Variants in PTPRM observed in about 807,000 individuals in gnomAD.
The protein encoded by PTPRM is receptor-type tyrosine-protein phosphatase mu.
PTPRM carries 47 observed loss-of-function variants against 186.7 expected under a neutral mutation model. That is an observed-to-expected ratio of 0.25 (90% CI 0.20 to 0.32). The LOEUF (loss-of-function observed/expected upper bound fraction) is 0.32. Ranked by LOEUF, PTPRM falls within the 10% of genes least tolerant of loss-of-function variation. The pLI is 1.00. For synonymous variants in PTPRM, 668 were observed against 674.9 expected, an observed-to-expected ratio of 0.99 and a Z score of 0.16; for missense variants, 1,494 against 1,865.0, an observed-to-expected ratio of 0.80 and a Z score of 3.66.
intron 2 of PTPRM, among the ~76,000 whole-genome samples, chr18:7,882,376 G>A (rs965403738): frequency 1.3e-5 from 2 of 152,006 alleles, no homozygotes; most frequent in Non-Finnish European, 2.9e-5. Flanking sequence ...TGCTGCTCTA[G>A]TGAACTGAAT....
chr18:7,567,945 C>T lies in PTPRM; in HGVS notation c.73+54C>T. On this transcript the variant is annotated intron_variant, in intron 1 of 32. Coordinates refer to ENST00000580170, the MANE Select transcript of PTPRM (RefSeq NM_001105244.2). The surrounding 1 kb of genome is among the most constrained non-coding windows in gnomAD (Gnocchi z 4.3). ...AGGCGCGCGGGCCGGCGCGGGACGC[C>T]CGGGACGCCGACAGCTCCCTGGTGG... The T allele has an allele frequency of 1.3e-6, 2 of 1,496,370 alleles. No homozygotes were observed. Among genetic ancestry groups the T allele is most frequent in the South Asian group, 1.2e-5 (1 of 80,350 alleles). 92.7% of individuals were successfully genotyped at this position (1,496,370 alleles called of 1,614,324 possible).
At chr18:8,058,935 C>T (rs1386249910) in intron 7 of PTPRM, among the ~76,000 whole-genome samples, 2 of 79,554 alleles carry the variant, frequency 2.5e-5, no homozygotes, top group Non-Finnish European at 5.4e-5. Flanking sequence ...CTTGGCGATG[C>T]GGGCTCTTTT....
chr18:8,358,249 GCA>G (rs144869213), intron 23 of PTPRM, among the ~76,000 whole-genome samples: 2,678 of 147,560 alleles, frequency 0.018, 45 homozygotes, highest in African/African-American at 0.048. Context: ...CACATGACAC[GCA>G]CACACACACA....
intron 1 of PTPRM, among the ~76,000 whole-genome samples, chr18:7,653,999 T>G (rs1370009353): frequency 6.6e-6 from 1 of 152,190 alleles, no homozygotes; most frequent in Non-Finnish European, 1.5e-5. Flanking sequence ...GACTTTTTAA[T>G]AATAGTCATT....
At chr18:8,004,590 G>A (rs2084066505) in intron 7 of PTPRM, among the ~76,000 whole-genome samples, 1 of 152,114 alleles carries the variant, frequency 6.6e-6, no homozygotes, top group Non-Finnish European at 1.5e-5. Flanking sequence ...CCTCTGGCAT[G>A]AGGGATGAAA....
At position 7,639,245 on chromosome 18, in the gene PTPRM, T is replaced by C. The variant is rs371421650; in HGVS notation, c.73+71354T>C. 5.1e-4 allele frequency among the ~76,000 whole-genome samples: 78 copies of C among 152,168 alleles called. 1 individual carries two copies. The highest frequency in any genetic ancestry group is 1.8e-3 in the African/African-American group (73 of 41,512). On this transcript the variant is annotated intron_variant, in intron 1 of 32. Transcript: ENST00000580170. ...GCCTGCCACCACACCTGGCTAACTT[T>C]ATTTTTAGTAGAGATGGGGTTTCAC...
At chr18:7,637,964 A>G (rs981481826) in intron 1 of PTPRM, among the ~76,000 whole-genome samples, 1 of 152,232 alleles carries the variant, frequency 6.6e-6, no homozygotes. Context: ...ATGAAGAACT[A>G]TTCTTGGCTT....
intron 1 of PTPRM, among the ~76,000 whole-genome samples, chr18:7,649,921 A>T (rs2038656885): frequency 6.6e-6 from 1 of 152,012 alleles, no homozygotes; most frequent in Admixed American, 6.6e-5. Context: ...ACATATTTTT[A>T]AATTAAGGTA....
At chr18:8,301,324 A>G (rs2095155214) in intron 20 of PTPRM, among the ~76,000 whole-genome samples, 1 of 152,190 alleles carries the variant, frequency 6.6e-6, no homozygotes, top group South Asian at 2.1e-4. Flanking sequence ...CCTTCCAAAT[A>G]TAAACCAACA....
At chr18:7,592,761 G>A (rs746834090) in intron 1 of PTPRM, among the ~76,000 whole-genome samples, 4 of 152,176 alleles carry the variant, frequency 2.6e-5, no homozygotes, top group Non-Finnish European at 4.4e-5. Flanking sequence ...TCAAGAAAGA[G>A]CAACATTCCC....
chr18:8,177,615 C>G (rs1301098782), intron 14 of PTPRM, among the ~76,000 whole-genome samples: 1 of 152,222 alleles, frequency 6.6e-6, no homozygotes, highest in Non-Finnish European at 1.5e-5. Flanking sequence ...TGGGAGCAAC[C>G]TCAATTCTTG....
intron 1 of PTPRM, among the ~76,000 whole-genome samples, chr18:7,583,187 A>G (rs1011183159): frequency 1.4e-4 from 21 of 152,224 alleles, no homozygotes; most frequent in Admixed American, 2.6e-4. Flanking sequence ...ATCTTGATTC[A>G]TAAATTTGCT....
Position 7,919,277 on chromosome 18 carries a change from G to A in PTPRM, c.548-7291G>A, listed in dbSNP as rs1383415906. Among the ~76,000 whole-genome samples, 4 of 152,078 alleles carry A rather than the reference G, an allele frequency of 2.6e-5. No individual in the cohort carries two copies. In the South Asian group the frequency reaches 6.3e-4, roughly 24 times the overall value. On this transcript the variant is annotated intron_variant, in intron 4 of 32. Coordinates refer to ENST00000580170, the MANE Select transcript of PTPRM (RefSeq NM_001105244.2). The stretch of plus-strand genomic sequence containing the variant: ...TGCTCAGGCTTGCTTTGGCTATTTG[G>A]AATATTTTCTGGTTCCATATAAATT...
At chr18:8,349,081 C>A (rs959885933) in intron 23 of PTPRM, among the ~76,000 whole-genome samples, 1 of 152,124 alleles carries the variant, frequency 6.6e-6, no homozygotes. Context: ...GAACACTAGA[C>A]GTCAGAACTA....
chr18:8,001,533 G>GTT (rs368130945), intron 7 of PTPRM, among the ~76,000 whole-genome samples: 2 of 146,144 alleles, frequency 1.4e-5, no homozygotes, highest in South Asian at 2.2e-4. Context: ...TGAAAGGTTT[G>GTT]TTTTTTTTTT....
At chr18:7,790,102 T>C (rs185446231) in intron 2 of PTPRM, among the ~76,000 whole-genome samples, 2 of 152,300 alleles carry the variant, frequency 1.3e-5, no homozygotes, top group Non-Finnish European at 2.9e-5. Context: ...TTTGCTTGAC[T>C]TCTAGTTAAG....
chr18:8,166,314 G>T (rs1353617058), intron 14 of PTPRM, among the ~76,000 whole-genome samples: 1 of 151,970 alleles, frequency 6.6e-6, no homozygotes, highest in East Asian at 1.9e-4. Context: ...GCTTTCCCTG[G>T]GCTGCAGCCT....
intron 1 of PTPRM, among the ~76,000 whole-genome samples, chr18:7,736,951 T>C (rs930984078): frequency 6.6e-6 from 1 of 152,036 alleles, no homozygotes. Context: ...ATTACAGGCT[T>C]GTGTCACCGT....
At chr18:7,746,914 G>A (rs561608087) in intron 1 of PTPRM, among the ~76,000 whole-genome samples, 38 of 152,286 alleles carry the variant, frequency 2.5e-4, no homozygotes, top group African/African-American at 5.8e-4. Context: ...TCAAGTGTAC[G>A]TGTACCTTCC....
Sources: gnomAD v4.1 joint callset for allele counts (sites outside exome capture counted in the v4.1 genomes callset) on GRCh38, gnomAD v4.1.1 for gene constraint, Gnocchi (gnomAD v3.1) non-coding constraint, MANE v1.5 for transcripts, NCBI Gene and HGNC (gene_info 2026-07-23, HGNC 2026-07-21) for gene names.